DRC3: variants seen among roughly 807,000 people sequenced by gnomAD.
The protein encoded by DRC3 is dynein regulatory complex subunit 3.
DRC3 carries 45 observed loss-of-function variants against 57.6 expected under a neutral mutation model. The ratio of observed to expected loss-of-function variants is 0.78; its 90% CI spans 0.62 to 1.00. DRC3 has a LOEUF of 1.00. Ranked by LOEUF, DRC3 falls within the 50% of genes least tolerant of loss-of-function variation. DRC3 has a pLI of 0.00. For missense variants in DRC3, 655 were observed against 675.2 expected (o/e 0.97, Z 0.33); for synonymous variants, 257 against 272.3 (o/e 0.94, Z 0.55).
At chr17:17,975,066 C>T (rs184954341) in intron 2 of DRC3, among the ~76,000 whole-genome samples, 251 of 152,250 alleles carry the variant, frequency 1.6e-3, no homozygotes, top group Non-Finnish European at 3.0e-3. Context: ...AATAACAATC[C>T]CCCATTTCCT....
intron 4 of DRC3, among the ~76,000 whole-genome samples, chr17:17,986,250 A>G (rs992347497): frequency 1.3e-5 from 2 of 152,210 alleles, no homozygotes; most frequent in African/African-American, 2.4e-5. Context: ...TACCTTGAGC[A>G]TATTACCATG....
chr17:18,006,551 T>C, intron 11 of DRC3: 1 of 476,890 alleles, frequency 2.1e-6, no homozygotes, highest in Non-Finnish European at 3.8e-6. Context: ...GAAGACACTA[T>C]AAGGAGTACA....
At chr17:17,978,608 GC>G (rs1475509251) in intron 3 of DRC3, among the ~76,000 whole-genome samples, 1 of 152,218 alleles carries the variant, frequency 6.6e-6, no homozygotes, top group Admixed American at 6.5e-5. Flanking sequence ...CCTCAGTCCA[GC>G]CCTGCTGCCA....
intron 2 of DRC3, among the ~76,000 whole-genome samples, chr17:17,976,533 T>A (rs1373921736): frequency 1.3e-5 from 2 of 152,006 alleles, no homozygotes; most frequent in African/African-American, 4.8e-5. Context: ...TACAAAAAAT[T>A]AGCCAGGCGT....
chr17:18,015,867 C>T, intron 12 of DRC3, 197 bp from the exon 13 acceptor site: 1 of 593,500 alleles, frequency 1.7e-6, no homozygotes, highest in Non-Finnish European at 3.0e-6. Context: ...AACACCTGCC[C>T]TGTGCAGTTG....
At chr17:17,979,492 C>G (rs886209171) in intron 3 of DRC3, among the ~76,000 whole-genome samples, 26 of 152,210 alleles carry the variant, frequency 1.7e-4, no homozygotes, top group African/African-American at 6.3e-4. Flanking sequence ...GTGGTGGCCA[C>G]AGGGGCAGAT....
chr17:17,990,168 C>T (rs1293298856), intron 5 of DRC3, among the ~76,000 whole-genome samples: 1 of 152,166 alleles, frequency 6.6e-6, no homozygotes, highest in African/African-American at 2.4e-5. Context: ...ATCAAGCCCC[C>T]TCAGGGTCTA....
chr17:18,007,941 G>T, intron 12 of DRC3: 1 of 818,206 alleles, frequency 1.2e-6, no homozygotes, highest in Non-Finnish European at 1.5e-6. Context: ...CGTCCTCCAT[G>T]TGGCAGCCAG....
chr17:18,007,647 C>T, intron 12 of DRC3: 2 of 1,388,858 alleles, frequency 1.4e-6, no homozygotes, highest in Non-Finnish European at 1.9e-6. Flanking sequence ...TGGCTCCATC[C>T]CTGGGGTCTG....
At chr17:17,984,877 C>G (rs919286633) in intron 4 of DRC3, among the ~76,000 whole-genome samples, 3 of 152,094 alleles carry the variant, frequency 2.0e-5, no homozygotes, top group Non-Finnish European at 4.4e-5. Context: ...AATTGCAAGC[C>G]CATAGCAAAC....
intron 6 of DRC3, chr17:17,994,022 C>T (rs1165808712): frequency 2.6e-6 from 1 of 385,434 alleles, no homozygotes. Flanking sequence ...TGGCTCCTGC[C>T]CTGGAGATGG....
chr17:17,977,187 G>T (rs2042428350), intron 2 of DRC3, among the ~76,000 whole-genome samples: 1 of 152,210 alleles, frequency 6.6e-6, no homozygotes, highest in South Asian at 2.1e-4. Context: ...GCTGCCCAGG[G>T]AGCACAGTCA....
rs754312399 is a variant in DRC3, at chr17:17,977,623, G to A, written c.25G>A (p.Glu9Lys). 1.9e-6 allele frequency: 3 copies of A among 1,614,006 alleles called. No homozygotes were observed. Residue 9 changes from glutamate to lysine, a missense_variant, in exon 3 of 14, where the codon GAG becomes AAG. Glu to Lys is a moderately conservative substitution (Grantham distance 56, BLOSUM62 1). Transcript: ENST00000399187. MNQPCNSM[E>K]PRVMDDDMLK... ...GATGAACCAGCCGTGCAACTCGATG[G>A]AGCCGAGGGTGATGGACGATGACAT...
chr17:18,003,277 G>T (rs912824869), intron 9 of DRC3, among the ~76,000 whole-genome samples: 3 of 151,732 alleles, frequency 2.0e-5, no homozygotes, highest in African/African-American at 4.8e-5. Context: ...GAGGTCAGGA[G>T]TTCAAGACCA....
chr17:18,001,835 G>C (rs2043746210), intron 9 of DRC3, among the ~76,000 whole-genome samples: 1 of 152,124 alleles, frequency 6.6e-6, no homozygotes, highest in African/African-American at 2.4e-5. Flanking sequence ...CCAATCTTCT[G>C]GTTATATTTG....
chr17:18,001,966 G>A (rs1274809690), intron 9 of DRC3, among the ~76,000 whole-genome samples: 1 of 118,220 alleles, frequency 8.5e-6, no homozygotes, highest in East Asian at 1.0e-3. Flanking sequence ...CCGGGAGTTT[G>A]AGACCAGCCT....
At chr17:17,992,367 C>T (rs1028137454) in intron 5 of DRC3, among the ~76,000 whole-genome samples, 15 of 152,316 alleles carry the variant, frequency 9.8e-5, no homozygotes, top group South Asian at 2.1e-4. Flanking sequence ...CGCCCATTAC[C>T]GAATAGGTGT....
Position 18,005,879 on chromosome 17 carries a change from C to CTG in DRC3, c.1132-290_1132-289dup, listed in dbSNP as rs147320981. ...GGAAACCCAAAGGAGAGGGGGTTGG[C>CTG]TGTGTGTGTGTGTGTTGGGCAGGCA... On this transcript the variant is annotated intron_variant, in intron 10 of 13. Coordinates refer to ENST00000399187, the MANE Select transcript of DRC3 (RefSeq NM_031294.4). The CTG allele has an allele frequency of 1.8e-3, 636 of 355,784 alleles. 2 individuals are homozygous for CTG. The highest frequency in any genetic ancestry group is 8.4e-3 in the African/African-American group (406 of 48,340). 22.0% of individuals were successfully genotyped at this position (355,784 alleles called of 1,614,324 possible). A position where few individuals can be genotyped will look rare whatever the true frequency, so the allele number is the denominator to read the frequency against.
At chr17:18,011,343 G>T in intron 12 of DRC3, 1 of 347,216 alleles carries the variant, frequency 2.9e-6, no homozygotes, top group South Asian at 2.2e-5. Context: ...TTGCCATCAG[G>T]GATTACAATG....
Sources: gnomAD v4.1 joint callset for allele counts (sites outside exome capture counted in the v4.1 genomes callset) on GRCh38, gnomAD v4.1.1 for gene constraint, MANE v1.5 for transcripts, NCBI Gene and HGNC (gene_info 2026-07-23, HGNC 2026-07-21) for gene names.